BFSP1: variants seen among roughly 807,000 people sequenced by gnomAD.
BFSP1 encodes beaded filament structural protein 1.
Under a neutral mutation model 43.9 loss-of-function variants are expected in BFSP1, and 38 were observed. The ratio of observed to expected loss-of-function variants is 0.87; its 90% CI spans 0.67 to 1.14. The LOEUF (loss-of-function observed/expected upper bound fraction) is 1.14, where lower values mean the gene tolerates loss of function less well. Among genes scored for constraint, BFSP1 ranks in the 50% most tolerant of loss-of-function variants. The probability of loss-of-function intolerance (pLI) is 0.00; values close to 1 mark genes in which losing one functional copy is unlikely to be tolerated. For synonymous variants in BFSP1, 352 were observed against 354.8 expected, an observed-to-expected ratio of 0.99 and a Z score of 0.09; for missense variants, 850 against 875.1, an observed-to-expected ratio of 0.97 and a Z score of 0.36.
chr20:17,538,209 G>A (rs565873508), intron 1 of BFSP1, among the ~76,000 whole-genome samples: 4 of 151,984 alleles, frequency 2.6e-5, no homozygotes, highest in African/African-American at 4.8e-5. Context: ...AAATGACCTC[G>A]TTCATAGGAA....
At chr20:17,522,330 T>C (rs2034335097) in intron 2 of BFSP1, among the ~76,000 whole-genome samples, 2 of 152,164 alleles carry the variant, frequency 1.3e-5, no homozygotes, top group African/African-American at 2.4e-5. Flanking sequence ...AATAGGTCAT[T>C]TCTGAGAATA....
intron 1 of BFSP1, among the ~76,000 whole-genome samples, chr20:17,567,582 G>T (rs958595795): frequency 6.6e-6 from 1 of 152,106 alleles, no homozygotes; most frequent in Non-Finnish European, 1.5e-5. Context: ...AGAGGTGGCC[G>T]GGCGCTCGGT....
chr20:17,556,513 T>A (rs1010010389), intron 1 of BFSP1, among the ~76,000 whole-genome samples: 3 of 151,632 alleles, frequency 2.0e-5, no homozygotes, highest in African/African-American at 2.4e-5. Context: ...AAAGAAAAAA[T>A]TAAAAATAAT....
chr20:17,542,337 C>A (rs2034731543), intron 1 of BFSP1, among the ~76,000 whole-genome samples: 1 of 151,650 alleles, frequency 6.6e-6, no homozygotes, highest in African/African-American at 2.4e-5. Context: ...TGCCTGTAAT[C>A]CCTGCACTTT....
chr20:17,536,288 T>C (rs2034627752), upstream of BFSP1, among the ~76,000 whole-genome samples: 1 of 152,220 alleles, frequency 6.6e-6, no homozygotes, highest in South Asian at 2.1e-4. Flanking sequence ...AAGTGGCTCA[T>C]ACCTACAATC....
Position 17,498,885 on chromosome 20 carries a change from G to A in BFSP1, c.891C>T (p.Val297=), listed in dbSNP as rs770781565. 7 of 1,614,002 alleles carry A rather than the reference G, an allele frequency of 4.3e-6. No homozygotes were observed. Among genetic ancestry groups the A allele is most frequent in the Non-Finnish European group, 5.1e-6 (6 of 1,180,030 alleles). ...KSSYDCRQLA[V]AQQTLKNELD... is the part of the protein sequence containing the mutation. Reference sequence around the variant, plus strand: ...GCTCATTCTTCAGGGTTTGCTGGGCGACCGCCAGCTGCCGGCAGTCGTAAG... The same window carrying A: ...GCTCATTCTTCAGGGTTTGCTGGGCAACCGCCAGCTGCCGGCAGTCGTAAG... The change falls in exon 6 of 8, where the codon GTC becomes GTT. Residue 297 remains valine, a synonymous_variant. Coordinates refer to ENST00000377873, the MANE Select transcript of BFSP1 (RefSeq NM_001195.5).
chr20:17,552,927 G>A (rs2034918565), intron 1 of BFSP1, among the ~76,000 whole-genome samples: 1 of 152,172 alleles, frequency 6.6e-6, no homozygotes, highest in South Asian at 2.1e-4. Flanking sequence ...AGAGGTCAAG[G>A]ACAGACATAA....
intron 1 of BFSP1, among the ~76,000 whole-genome samples, chr20:17,547,115 C>A (rs536845473): frequency 1.3e-5 from 2 of 151,506 alleles, no homozygotes; most frequent in African/African-American, 4.9e-5. Flanking sequence ...CAGGAGTATT[C>A]CTTGAGTCCG....
chr20:17,516,919 T>C, intron 2 of BFSP1: 1 of 698,380 alleles, frequency 1.4e-6, no homozygotes. Context: ...ATAGAAAATA[T>C]AAAGGCCAAG....
chr20:17,511,619 G>A (rs1294240837), intron 4 of BFSP1, among the ~76,000 whole-genome samples: 1 of 152,184 alleles, frequency 6.6e-6, no homozygotes, highest in Admixed American at 6.5e-5. Context: ...GCAAGGACAG[G>A]AAGCCACAGA....
intron 5 of BFSP1, among the ~76,000 whole-genome samples, chr20:17,508,412 C>G (rs1210377194): frequency 6.6e-6 from 1 of 152,236 alleles, no homozygotes; most frequent in Non-Finnish European, 1.5e-5. Flanking sequence ...GATACAACCA[C>G]TCTTGCCGGG....
At chr20:17,557,460 C>T (rs555898420) in intron 1 of BFSP1, among the ~76,000 whole-genome samples, 3 of 152,112 alleles carry the variant, frequency 2.0e-5, no homozygotes, top group East Asian at 1.9e-4. Context: ...GCTTTCTCTG[C>T]CCCCCTATGT....
intron 1 of BFSP1, among the ~76,000 whole-genome samples, chr20:17,555,204 G>A (rs752199445): frequency 7.3e-5 from 11 of 151,054 alleles, no homozygotes; most frequent in Non-Finnish European, 1.5e-4. Context: ...GGGAGGCTGT[G>A]GCAGGAGGAT....
At chr20:17,520,594 G>A (rs902424656) in intron 2 of BFSP1, among the ~76,000 whole-genome samples, 104 of 152,160 alleles carry the variant, frequency 6.8e-4, no homozygotes, top group Non-Finnish European at 1.1e-3. Flanking sequence ...TGGCCTGGAG[G>A]GCACTGGACA....
chr20:17,561,694 G>A (rs772688186), upstream of BFSP1, among the ~76,000 whole-genome samples: 17 of 152,072 alleles, frequency 1.1e-4, no homozygotes, highest in Non-Finnish European at 2.4e-4. Context: ...GAGGTGTGAT[G>A]CCCACTCTGA....
chr20:17,546,401 A>G (rs1275562162), intron 1 of BFSP1, among the ~76,000 whole-genome samples: 1 of 152,180 alleles, frequency 6.6e-6, no homozygotes, highest in Admixed American at 6.5e-5. Flanking sequence ...GGAAATTACA[A>G]TTAAAGATAA....
At chr20:17,558,685 T>C (rs2035034917) in intron 1 of BFSP1, 2 of 1,551,824 alleles carry the variant, frequency 1.3e-6, no homozygotes, top group East Asian at 2.4e-5. Flanking sequence ...TCAGAACACT[T>C]ACATACTTTC....
chr20:17,517,996 C>G (rs1316724387), intron 2 of BFSP1, among the ~76,000 whole-genome samples: 1 of 152,188 alleles, frequency 6.6e-6, no homozygotes. Flanking sequence ...TGTCCAGAGT[C>G]ATTCCTCACC....
At chr20:17,502,898 T>C (rs1311414223) in intron 5 of BFSP1, among the ~76,000 whole-genome samples, 1 of 152,172 alleles carries the variant, frequency 6.6e-6, no homozygotes, top group Non-Finnish European at 1.5e-5. Context: ...AAAAGACCCC[T>C]TTGAGCCCCA....
Sources: allele counts gnomAD v4.1 joint callset (sites outside exome capture counted in the v4.1 genomes callset), GRCh38; gene constraint gnomAD v4.1.1; transcripts MANE v1.5; gene names NCBI Gene and HGNC (gene_info 2026-07-23, HGNC 2026-07-21).